FAM177A1: variants seen among roughly 807,000 people sequenced by gnomAD.
FAM177A1 encodes the protein protein FAM177A1.
FAM177A1 carries 22 observed loss-of-function variants against 26.1 expected under a neutral mutation model. That is an observed-to-expected ratio of 0.84 (90% confidence interval 0.60 to 1.20). The LOEUF is 1.20. Among genes scored for constraint, FAM177A1 ranks in the 50% most tolerant of loss-of-function variants. The pLI is 0.00. For missense variants in FAM177A1, 296 were observed against 291.1 expected (o/e 1.02, Z -0.12); for synonymous variants, 95 against 99.3 (o/e 0.96, Z 0.26).
chr14:35,051,260 C>T (rs1480978402), intron 1 of FAM177A1, among the ~76,000 whole-genome samples: 1 of 152,166 alleles, frequency 6.6e-6, no homozygotes, highest in Non-Finnish European at 1.5e-5. Flanking sequence ...GCTGGGACTA[C>T]AGGTGCGTGC....
At chr14:35,051,424 T>C (rs2044968969) in intron 1 of FAM177A1, among the ~76,000 whole-genome samples, 1 of 151,962 alleles carries the variant, frequency 6.6e-6, no homozygotes, top group Non-Finnish European at 1.5e-5. Flanking sequence ...GCCTTATTTT[T>C]ATTTTTTTGA....
At chr14:35,056,434 C>T (rs2045063294) in intron 2 of FAM177A1, among the ~76,000 whole-genome samples, 1 of 152,122 alleles carries the variant, frequency 6.6e-6, no homozygotes, top group African/African-American at 2.4e-5. Flanking sequence ...TGGCTTACTG[C>T]AACCTCTGCC....
chr14:35,074,933 A>G (rs904962210), intron 2 of FAM177A1, among the ~76,000 whole-genome samples: 1 of 152,028 alleles, frequency 6.6e-6, no homozygotes, highest in Non-Finnish European at 1.5e-5. Context: ...GCTACTCGTG[A>G]GGCTGAGGCA....
intron 4 of FAM177A1, 37 bp downstream of exon 4, chr14:35,079,061 G>T: frequency 1.3e-6 from 2 of 1,506,896 alleles, no homozygotes; most frequent in South Asian, 1.3e-5. Flanking sequence ...ATTCAGTTTG[G>T]TTTGCTATGG....
upstream of FAM177A1, chr14:35,046,147 T>G (rs921693221): frequency 4.5e-6 from 1 of 223,468 alleles, no homozygotes; most frequent in African/African-American, 2.3e-5. Flanking sequence ...GTACCAGAAA[T>G]GACGTCACAG....
Position 35,081,287 on chromosome 14 carries a change from T to C in FAM177A1, c.*59T>C. On this transcript the variant is annotated 3_prime_UTR_variant, in exon 5 of 5. Transcript: ENST00000280987. ...TTTTTTTTTTTTAATACAAAAACTTTCACATTCTTTATTCAGTGGGACTTA... is the reference window on the plus strand; with the variant it reads ...TTTTTTTTTTTTAATACAAAAACTTCCACATTCTTTATTCAGTGGGACTTA... The C allele has an allele frequency of 6.7e-7, 1 of 1,496,048 alleles. No homozygotes were observed. The highest frequency in any genetic ancestry group is 2.3e-5 in the East Asian group (1 of 43,506). 92.7% of individuals were successfully genotyped at this position (1,496,048 alleles called of 1,614,324 possible). A position where few individuals can be genotyped will look rare whatever the true frequency, so the allele number is the denominator to read the frequency against.
intron 2 of FAM177A1, among the ~76,000 whole-genome samples, chr14:35,056,926 G>A (rs2045071074): frequency 6.6e-6 from 1 of 151,978 alleles, no homozygotes; most frequent in Non-Finnish European, 1.5e-5. Flanking sequence ...TTGGATTCTA[G>A]TAATTTTGGG....
chr14:35,069,505 G>A (rs892907685), intron 2 of FAM177A1, among the ~76,000 whole-genome samples: 1 of 151,898 alleles, frequency 6.6e-6, no homozygotes, highest in Non-Finnish European at 1.5e-5. Context: ...GGCTGGTCTC[G>A]AACTCCCAAC....
At chr14:35,050,005 G>A (rs926024601) in intron 1 of FAM177A1, 1 of 151,954 alleles carries the variant, frequency 6.6e-6, no homozygotes, top group South Asian at 2.1e-4. Context: ...AAAATTCACA[G>A]TGTAACTTTT....
At chr14:35,074,693 T>C (rs2045369341) in intron 2 of FAM177A1, among the ~76,000 whole-genome samples, 1 of 152,032 alleles carries the variant, frequency 6.6e-6, no homozygotes, top group South Asian at 2.1e-4. Flanking sequence ...CATTAGTATA[T>C]ATAAGAAGAT....
upstream of FAM177A1, chr14:35,044,908 A>T (rs2044839159): frequency 6.6e-6 from 1 of 150,678 alleles, no homozygotes; most frequent in Non-Finnish European, 1.5e-5. Flanking sequence ...AAAAAGAAAA[A>T]GAAAATTGTA....
intron 2 of FAM177A1, among the ~76,000 whole-genome samples, chr14:35,067,229 T>C (rs2045254116): frequency 6.6e-6 from 1 of 152,008 alleles, no homozygotes; most frequent in South Asian, 2.1e-4. Context: ...ACCATTGTGC[T>C]CTCTGTTTCT....
At chr14:35,052,197 T>C (rs1354492799) in intron 1 of FAM177A1, among the ~76,000 whole-genome samples, 2 of 152,146 alleles carry the variant, frequency 1.3e-5, no homozygotes, top group Non-Finnish European at 2.9e-5. Flanking sequence ...TCTTCACAAT[T>C]GTATGTACTG....
Position 35,050,027 on chromosome 14 carries a change from A to C in FAM177A1, c.166-3251A>C, listed in dbSNP as rs542634600. On this transcript the variant is annotated intron_variant, in intron 1 of 4. Coordinates refer to ENST00000280987, the MANE Select transcript of FAM177A1 (RefSeq NM_173607.5). ...ACAGTGTAACTTTTTTTGTTTTTTGAGACAGAATCTCACTCTGTTGCCCAG... is the reference window on the plus strand; with the variant it reads ...ACAGTGTAACTTTTTTTGTTTTTTGCGACAGAATCTCACTCTGTTGCCCAG... 3 of 152,006 alleles carry C rather than the reference A, an allele frequency of 2.0e-5. No homozygotes were observed. The East Asian group carries it at 5.8e-4, about 29-fold the overall frequency. 9.4% of individuals were successfully genotyped at this position (152,006 alleles called of 1,614,324 possible).
rs2045483946 is a variant in FAM177A1, at chr14:35,081,526, A to G, written c.*298A>G. 1 of 199,524 alleles carries G rather than the reference A, an allele frequency of 5.0e-6. No homozygotes were observed. The highest frequency in any genetic ancestry group is 5.7e-5 in the Admixed American group (1 of 17,654). 12.4% of individuals were successfully genotyped at this position (199,524 alleles called of 1,614,324 possible). On this transcript the variant is annotated 3_prime_UTR_variant, in exon 5 of 5. Coordinates refer to ENST00000280987, the MANE Select transcript of FAM177A1 (RefSeq NM_173607.5). ...AATAGTTAAGAAGAGTTAAATTATC[A>G]AGCCTATTTGTGCATTTGCTTTTTT...
At chr14:35,073,861 G>C (rs1025228859) in intron 2 of FAM177A1, among the ~76,000 whole-genome samples, 1 of 152,110 alleles carries the variant, frequency 6.6e-6, no homozygotes, top group Admixed American at 6.6e-5. Flanking sequence ...GTCTTTTGTG[G>C]CATGTTTTTT....
intron 2 of FAM177A1, among the ~76,000 whole-genome samples, chr14:35,060,473 A>AT (rs1489133496): frequency 2.0e-5 from 3 of 150,886 alleles, no homozygotes; most frequent in African/African-American, 7.3e-5. Context: ...TTGTTGCCTG[A>AT]TTTTTTTCCC....
chr14:35,058,427 T>C (rs1346528569), intron 2 of FAM177A1, among the ~76,000 whole-genome samples: 2 of 152,196 alleles, frequency 1.3e-5, no homozygotes, highest in Non-Finnish European at 2.9e-5. Context: ...TGTCTATTTC[T>C]CCCTCTCTTT....
At chr14:35,075,354 T>C (rs2045378972) in intron 2 of FAM177A1, among the ~76,000 whole-genome samples, 2 of 152,232 alleles carry the variant, frequency 1.3e-5, no homozygotes. Context: ...TTCAGCTTTC[T>C]ACCTATGGCT....
Sources: gnomAD v4.1 joint callset for allele counts (sites outside exome capture counted in the v4.1 genomes callset) on GRCh38, gnomAD v4.1.1 for gene constraint, MANE v1.5 for transcripts, NCBI Gene and HGNC (gene_info 2026-07-23, HGNC 2026-07-21) for gene names.